Variants in MPDZ observed in about 807,000 individuals in gnomAD.
The protein encoded by MPDZ is multiple PDZ domain crumbs cell polarity complex component, also known as multiple PDZ domain protein.
In MPDZ, 234 loss-of-function variants were observed where a neutral mutation model predicts 239.1. That is an observed-to-expected ratio of 0.98 (90% CI 0.88 to 1.09). MPDZ has a LOEUF of 1.09. Among genes scored for constraint, MPDZ ranks in the 50% least tolerant of loss-of-function variants. The pLI is 0.00. For missense variants in MPDZ, 3,175 were observed against 2,510.0 expected, an observed-to-expected ratio of 1.26 and a Z score of -5.66; for synonymous variants, 1,048 against 881.3, an observed-to-expected ratio of 1.19 and a Z score of -3.35.
chr9:13,144,068 A>G (rs1267931704), intron 26 of MPDZ, among the ~76,000 whole-genome samples: 31 of 152,130 alleles, frequency 2.0e-4, no homozygotes, highest in Admixed American at 1.9e-3. Flanking sequence ...GAAACTTTCC[A>G]TATTTTGACT....
chr9:13,114,187 A>C (rs1405169504), intron 40 of MPDZ, among the ~76,000 whole-genome samples, 166 bp from the exon 41 acceptor site: 1 of 152,022 alleles, frequency 6.6e-6, no homozygotes, highest in Admixed American at 6.5e-5. Context: ...TTTTTCTTTT[A>C]AACAGAGAAT....
intron 24 of MPDZ, among the ~76,000 whole-genome samples, chr9:13,152,864 C>A (rs1049612049): frequency 2.0e-5 from 3 of 151,980 alleles, no homozygotes; most frequent in Non-Finnish European, 4.4e-5. Flanking sequence ...ATATTTAAAG[C>A]ACATACATCT....
chr9:13,168,930 T>C (rs1278292062), intron 21 of MPDZ, among the ~76,000 whole-genome samples: 1 of 152,114 alleles, frequency 6.6e-6, no homozygotes, highest in African/African-American at 2.4e-5. Context: ...TAAAAGAGAA[T>C]AAAAGGACTA....
intron 45 of MPDZ, 91 bp downstream of exon 45, chr9:13,109,861 T>A: frequency 1.0e-6 from 1 of 977,940 alleles, no homozygotes; most frequent in African/African-American, 1.6e-5. Context: ...CTGTACGTAA[T>A]TCCTAGAAAC....
At chr9:13,260,759 C>A (rs551243647) in intron 1 of MPDZ, among the ~76,000 whole-genome samples, 1 of 152,150 alleles carries the variant, frequency 6.6e-6, no homozygotes, top group African/African-American at 2.4e-5. Flanking sequence ...TAGCCACCTG[C>A]GAGCCACAGA....
intron 1 of MPDZ, chr9:13,274,569 G>A (rs1295608048): frequency 6.7e-6 from 1 of 150,248 alleles, no homozygotes; most frequent in Non-Finnish European, 1.5e-5. Flanking sequence ...GGGAAGAATG[G>A]CTCTAATGGT....
chr9:13,192,433 G>C, intron 14 of MPDZ, 138 bp from the exon 15 acceptor site: 3 of 673,334 alleles, frequency 4.5e-6, no homozygotes, highest in Non-Finnish European at 7.1e-6. Context: ...AGTGAGACCT[G>C]TGGAAATACT....
At chr9:13,241,382 C>A (rs1158065918) in intron 3 of MPDZ, among the ~76,000 whole-genome samples, 1 of 152,092 alleles carries the variant, frequency 6.6e-6, no homozygotes, top group Non-Finnish European at 1.5e-5. Context: ...AGTTCCACTC[C>A]ATTTTTAAAT....
chr9:13,250,175 T>C, intron 2 of MPDZ, 125 bp downstream of exon 2: 1 of 815,722 alleles, frequency 1.2e-6, no homozygotes, highest in Non-Finnish European at 1.9e-6. Context: ...TGCTAGTAGG[T>C]AAAAACTTTT....
intron 1 of MPDZ, chr9:13,276,904 G>C (rs772412921): frequency 2.6e-5 from 4 of 152,036 alleles, no homozygotes; most frequent in Admixed American, 6.6e-5. Context: ...CTCAATTCTA[G>C]ACAATGGATT....
In MPDZ at chr9:13,176,062, G is replaced by C. The variant is rs550524164; in HGVS notation, c.2931+74C>G. 37 of 1,459,528 alleles carry C rather than the reference G, an allele frequency of 2.5e-5. No homozygotes were observed. In the Admixed American group the frequency reaches 2.8e-4, roughly 11 times the overall value. The allele number at this position is 1,459,528 out of a possible 1,614,324, so 90.4% of individuals were successfully genotyped here. A position where few individuals can be genotyped will look rare whatever the true frequency, so the allele number is the denominator to read the frequency against. On this transcript the variant is annotated intron_variant, in intron 20 of 46. Coordinates refer to ENST00000319217, the MANE Select transcript of MPDZ (RefSeq NM_001378778.1). Reference sequence around the variant, plus strand: ...AAGAAGCACTCATTCCAAATGAAGAGATTAGCCAGAATAACCTTACTTCAC... The same window carrying C: ...AAGAAGCACTCATTCCAAATGAAGACATTAGCCAGAATAACCTTACTTCAC...
chr9:13,234,602 G>A (rs1738298954), intron 3 of MPDZ, among the ~76,000 whole-genome samples: 1 of 152,076 alleles, frequency 6.6e-6, no homozygotes, highest in Non-Finnish European at 1.5e-5. Flanking sequence ...TCATTTAAAA[G>A]CTAAAATATA....
Position 13,106,752 on chromosome 9 carries a change from T to G in MPDZ, c.*213A>C, listed in dbSNP as rs1787787509. 1.9e-6 allele frequency: 1 copy of G among 515,012 alleles called. No homozygotes were observed. Among genetic ancestry groups the G allele is most frequent in the Admixed American group, 3.1e-5 (1 of 31,800 alleles). The allele number at this position is 515,012 out of a possible 1,614,324, so 31.9% of individuals were successfully genotyped here. A position where few individuals can be genotyped will look rare whatever the true frequency, so the allele number is the denominator to read the frequency against. ...CACCTACACAAATATTCCTTCTCTT[T>G]AAGTTCACAAAATGCAAGAAGAAAA... On this transcript the variant is annotated 3_prime_UTR_variant, in exon 47 of 47. Coordinates refer to ENST00000319217, the MANE Select transcript of MPDZ (RefSeq NM_001378778.1).
chr9:13,183,553 T>C lies in MPDZ; in HGVS notation c.2514A>G (p.Glu838=), dbSNP rs200906029. ...GAGAGTATGGAGACTCAAATGTGGA[T>C]TCATCTACTAAGTCAGCATCATTTG... ...VGTNDADLVD[E]STFESPYSPE... is the part of the protein sequence containing the mutation. The change falls in exon 19 of 47, where the codon GAA becomes GAG. Residue 838 remains glutamate (E), a synonymous_variant. Coordinates refer to ENST00000319217, the MANE Select transcript of MPDZ (RefSeq NM_001378778.1). The C allele has an allele frequency of 1.3e-4, 205 of 1,612,382 alleles. No individual in the cohort carries two copies. The highest frequency in any genetic ancestry group is 1.6e-4 in the Non-Finnish European group (190 of 1,179,052).
At chr9:13,178,101 C>CA (rs1171890637) in intron 19 of MPDZ, among the ~76,000 whole-genome samples, 4 of 151,452 alleles carry the variant, frequency 2.6e-5, no homozygotes, top group African/African-American at 7.3e-5. Flanking sequence ...ACTAAAAATA[C>CA]AAAAAAAATT....
intron 7 of MPDZ, 111 bp from the exon 8 acceptor site, chr9:13,219,879 A>C (rs1958868491): frequency 1.2e-5 from 12 of 1,017,848 alleles, no homozygotes; most frequent in Non-Finnish European, 1.7e-5. Flanking sequence ...GTTACCAATC[A>C]GGACATAAAA....
At chr9:13,118,788 G>T (rs972402321) in intron 39 of MPDZ, among the ~76,000 whole-genome samples, 10 of 152,204 alleles carry the variant, frequency 6.6e-5, no homozygotes, top group Admixed American at 3.9e-4. Context: ...AAATGAAACT[G>T]GTTCTGCCTT....
chr9:13,145,770 G>T (rs1948349381), intron 26 of MPDZ, among the ~76,000 whole-genome samples: 1 of 151,890 alleles, frequency 6.6e-6, no homozygotes, highest in African/African-American at 2.4e-5. Flanking sequence ...TATTTTCCAG[G>T]TGTATGAGAC....
intron 39 of MPDZ, 123 bp downstream of exon 39, chr9:13,119,379 C>G: frequency 8.3e-7 from 1 of 1,201,064 alleles, no homozygotes; most frequent in Non-Finnish European, 1.1e-6. Context: ...GCCATTGCAC[C>G]TGGCCTTGAG....
Sources: gnomAD v4.1 joint callset for allele counts (sites outside exome capture counted in the v4.1 genomes callset) on GRCh38, gnomAD v4.1.1 for gene constraint, MANE v1.5 for transcripts, NCBI Gene and HGNC (gene_info 2026-07-23, HGNC 2026-07-21) for gene names.